ZNF500: variants seen among roughly 807,000 people sequenced by gnomAD.
The protein encoded by ZNF500 is zinc finger protein 500, also known as zinc finger protein with KRAB and SCAN domains 18.
Under a neutral mutation model 30.1 loss-of-function variants are expected in ZNF500, and 31 were observed. That is an observed-to-expected ratio of 1.03 (90% CI 0.77 to 1.39). The LOEUF is 1.39. Among genes scored for constraint, ZNF500 ranks in the 40% most tolerant of loss-of-function variants. The pLI, the probability that ZNF500 is intolerant of heterozygous loss-of-function variation, is 0.00. For missense variants in ZNF500, 817 were observed against 657.8 expected (o/e 1.24, Z -2.65); for synonymous variants, 392 against 282.0 (o/e 1.39, Z -3.91).
In ZNF500 at chr16:4,752,222, G is replaced by A. The variant is rs756524571; in HGVS notation, c.*154C>T. ...GCACCCAGTGCCCAGCTTCCTCTGC[G>A]GCCTGGGCATCCCAAATGTCCCCTG... On this transcript the variant is annotated 3_prime_UTR_variant, in exon 6 of 6. Transcript: ENST00000219478. The A allele has an allele frequency of 2.1e-5, 30 of 1,420,748 alleles. No individual in the cohort carries two copies. The East Asian group carries it at 3.0e-4, about 14-fold the overall frequency. 88.0% of individuals were successfully genotyped at this position (1,420,748 alleles called of 1,614,324 possible). A position where few individuals can be genotyped will look rare whatever the true frequency, so the allele number is the denominator to read the frequency against.
intron 2 of ZNF500, chr16:4,764,036 C>T: frequency 1.0e-6 from 1 of 985,214 alleles, no homozygotes; most frequent in East Asian, 1.1e-4. Context: ...ACAACTGAAA[C>T]TGAAGCAGCA....
chr16:4,765,686 A>T lies in ZNF500; in HGVS notation c.293T>A (p.Phe98Tyr). The T allele has an allele frequency of 6.2e-7, 1 of 1,613,602 alleles. No individual in the cohort carries two copies. The highest frequency in any genetic ancestry group is 8.5e-7 in the Non-Finnish European group (1 of 1,179,946). The change falls in exon 2 of 6, where the codon TTC (phenylalanine) becomes TAC (tyrosine). Residue 98 changes from phenylalanine (F) to tyrosine (Y), a missense_variant. Phe to Tyr is a conservative substitution (Grantham distance 22). Coordinates refer to ENST00000219478, the MANE Select transcript of ZNF500 (RefSeq NM_021646.4). ...QILELLVLEQ[F>Y]LTVLPGEIQA... Reference sequence around the variant, plus strand: ...GATCTCCCCCGGCAGCACAGTCAGGAACTGCTCCAGCACCAGCAGCTCCAG... The same window carrying T: ...GATCTCCCCCGGCAGCACAGTCAGGTACTGCTCCAGCACCAGCAGCTCCAG...
chr16:4,763,711 G>T, intron 2 of ZNF500: 1 of 975,816 alleles, frequency 1.0e-6, no homozygotes, highest in Non-Finnish European at 1.2e-6. Flanking sequence ...GTGACAGAAG[G>T]AAGCCATGCC....
intron 1 of ZNF500, among the ~76,000 whole-genome samples, chr16:4,766,421 G>C (rs1237374147): frequency 2.0e-5 from 3 of 152,146 alleles, no homozygotes; most frequent in African/African-American, 7.2e-5. Flanking sequence ...TTCAGGAGTT[G>C]ACCACCTGGT....
chr16:4,747,208 G>C, downstream of ZNF500: 3 of 1,270,746 alleles, frequency 2.4e-6, no homozygotes, highest in Non-Finnish European at 1.1e-6. Context: ...AGTGGCAGCA[G>C]TGATGGGCTG....
At chr16:4,765,138 A>G (rs2082250187) in intron 2 of ZNF500, among the ~76,000 whole-genome samples, 2 of 152,080 alleles carry the variant, frequency 1.3e-5, no homozygotes. Flanking sequence ...CTGTCTCTAC[A>G]AAAAATACAC....
In ZNF500 at chr16:4,762,304, C is replaced by A. The variant is rs374254046; in HGVS notation, c.630G>T (p.Ala210=). The change falls in exon 4 of 6, where the codon GCG becomes GCT. Residue 210 remains alanine, a synonymous_variant. Coordinates refer to ENST00000219478, the MANE Select transcript of ZNF500 (RefSeq NM_021646.4). Reference sequence around the variant, plus strand: ...AGGCCGAAAGGAAGGGCGAGGCTGACGCCATCTCCTGATGCCGGGGAGCTG... The same window carrying A: ...AGGCCGAAAGGAAGGGCGAGGCTGAAGCCATCTCCTGATGCCGGGGAGCTG... The part of the protein sequence containing the change: ...GPPAPRHQEM[A]SASPFLSAWS... 6.2e-7 allele frequency: 1 copy of A among 1,610,952 alleles called. No homozygotes were observed. Among genetic ancestry groups the A allele is most frequent in the African/African-American group, 1.3e-5 (1 of 74,952 alleles).
intron 5 of ZNF500, among the ~76,000 whole-genome samples, chr16:4,759,415 A>C (rs1025322835): frequency 6.6e-6 from 1 of 151,720 alleles, no homozygotes; most frequent in African/African-American, 2.4e-5. Context: ...AGGAACGGAA[A>C]GCAGAGTTGA....
chr16:4,748,275 C>G lies in ZNF500; in HGVS notation c.*4101G>C, dbSNP rs962995029. On this transcript the variant is annotated 3_prime_UTR_variant, in exon 6 of 6. Coordinates refer to ENST00000219478, the MANE Select transcript of ZNF500 (RefSeq NM_021646.4). ...GTCTCACGGTGTTGCCCAGGTTGGT[C>G]TGGAACTCCTCTCAATCCTCCTGCC... 7 of 136,048 alleles carry G rather than the reference C, an allele frequency of 5.1e-5. No homozygotes were observed. The highest frequency in any genetic ancestry group is 1.9e-4 in the African/African-American group (7 of 36,046). 8.4% of individuals were successfully genotyped at this position (136,048 alleles called of 1,614,324 possible).
chr16:4,765,540 T>C (rs773655900), intron 2 of ZNF500, 25 bp downstream of exon 2: 1 of 1,560,506 alleles, frequency 6.4e-7, no homozygotes, highest in Non-Finnish European at 8.7e-7. Flanking sequence ...TTTCCTCACC[T>C]GAGGGTCAAA....
intron 5 of ZNF500, 42 bp from the exon 6 acceptor site, chr16:4,753,100 A>G: frequency 6.7e-7 from 1 of 1,497,426 alleles, no homozygotes; most frequent in Non-Finnish European, 8.8e-7. Flanking sequence ...TCACAGCAAG[A>G]GGGCAAGGGA....
Position 4,751,471 on chromosome 16 carries a change from G to C in ZNF500, c.*905C>G, listed in dbSNP as rs957051408. ...TGCTTTCCCGCCCCAGGTGTCTTCC[G>C]CCCTGCAGAGCAGCTATGGATCTGC... is the stretch of plus-strand genomic sequence containing the variant. On this transcript the variant is annotated 3_prime_UTR_variant, in exon 6 of 6. Transcript: ENST00000219478. 1 of 1,150,956 alleles carries C rather than the reference G, an allele frequency of 8.7e-7. No homozygotes were observed. Among genetic ancestry groups the C allele is most frequent in the African/African-American group, 1.6e-5 (1 of 64,072 alleles). 71.3% of individuals were successfully genotyped at this position (1,150,956 alleles called of 1,614,324 possible).
Position 4,762,593 on chromosome 16 carries a change from G to A in ZNF500, c.578C>T (p.Pro193Leu), listed in dbSNP as rs767487766. The A allele has an allele frequency of 2.5e-5, 40 of 1,613,422 alleles. No homozygotes were observed. The highest frequency in any genetic ancestry group is 1.6e-4 in the African/African-American group (12 of 75,028). Residue 193 changes from proline (P) to leucine (L), a missense_variant, in exon 3 of 6, where the codon CCG becomes CTG. Transcript: ENST00000219478. ...CTCACCTCTCTCTGGCCACAACAGC[G>A]GGCCCCTCTGTGGCCTGTGGCTCAG... is the stretch of plus-strand genomic sequence containing the variant. Reference protein sequence around the residue: ...AQLSHRPQRGPLLWPERGPPA... With the variant: ...AQLSHRPQRGLLLWPERGPPA...
chr16:4,746,252 C>T (rs1236892719), downstream of ZNF500: 13 of 1,067,770 alleles, frequency 1.2e-5, no homozygotes, highest in Middle Eastern at 8.6e-4. Flanking sequence ...TTAATGTGCC[C>T]GTCTGTAGAG....
Position 4,752,245 on chromosome 16 carries a change from C to T in ZNF500, c.*131G>A, listed in dbSNP as rs2082087745. ...GCGGCCTGGGCATCCCAAATGTCCC[C>T]TGCTGGCCTCATACTGGGCCATGGG... On this transcript the variant is annotated 3_prime_UTR_variant, in exon 6 of 6. Transcript: ENST00000219478. 1 of 1,427,380 alleles carries T rather than the reference C, an allele frequency of 7.0e-7. No homozygotes were observed. The highest frequency in any genetic ancestry group is 1.6e-5 in the South Asian group (1 of 63,652). The allele number at this position is 1,427,380 out of a possible 1,614,324, so 88.4% of individuals were successfully genotyped here. A position where few individuals can be genotyped will look rare whatever the true frequency, so the allele number is the denominator to read the frequency against.
chr16:4,765,945 T>C lies in ZNF500; in HGVS notation c.34A>G (p.Thr12Ala), dbSNP rs754590043. ...ATVPGLQPLP[T>A]LEQDLEQEEI... is the part of the protein sequence containing the mutation. ...TCCTGTTCCAGGTCCTGCTCCAAGG[T>C]TGGCAGGGGCTGGAGGCCAGGGACA... Residue 12 changes from threonine (T) to alanine (A), a missense_variant, in exon 2 of 6, where the codon ACC becomes GCC. Thr to Ala is a moderately conservative substitution (Grantham distance 58, BLOSUM62 0). Coordinates refer to ENST00000219478, the MANE Select transcript of ZNF500 (RefSeq NM_021646.4). The C allele has an allele frequency of 7.5e-5, 120 of 1,592,462 alleles. No individual in the cohort carries two copies. Among genetic ancestry groups the C allele is most frequent in the Non-Finnish European group, 4.7e-5 (55 of 1,170,446 alleles).
intron 5 of ZNF500, among the ~76,000 whole-genome samples, chr16:4,760,257 T>C (rs139702016): frequency 2.5e-3 from 376 of 152,052 alleles, no homozygotes; most frequent in Non-Finnish European, 4.6e-3. Flanking sequence ...AGGACCAGCA[T>C]GTAGGGGGCA....
At position 4,762,910 on chromosome 16, in the gene ZNF500, G is replaced by C. The variant is rs1049073592; in HGVS notation, c.415-154C>G. ...TCCCTCTGCCCAGCCGTGTGGCAGT[G>C]TTCCCTGCAGCCAGCTCCCAGCCTG... is the stretch of plus-strand genomic sequence containing the variant. On this transcript the variant is annotated intron_variant, in intron 2 of 5. Transcript: ENST00000219478. 19 of 985,246 alleles carry C rather than the reference G, an allele frequency of 1.9e-5. No homozygotes were observed. In the South Asian group the frequency reaches 8.0e-4, roughly 41 times the overall value. 61.0% of individuals were successfully genotyped at this position (985,246 alleles called of 1,614,324 possible). A position where few individuals can be genotyped will look rare whatever the true frequency, so the allele number is the denominator to read the frequency against.
chr16:4,759,507 T>G (rs1190961115), intron 5 of ZNF500, among the ~76,000 whole-genome samples: 1 of 152,082 alleles, frequency 6.6e-6, no homozygotes, highest in Non-Finnish European at 1.5e-5. Flanking sequence ...GGAAAAAAAT[T>G]CTGGAGGTTT....
Sources: allele counts gnomAD v4.1 joint callset (sites outside exome capture counted in the v4.1 genomes callset), GRCh38; gene constraint gnomAD v4.1.1; transcripts MANE v1.5; gene names NCBI Gene and HGNC (gene_info 2026-07-23, HGNC 2026-07-21).